The following CST8 variants were observed in gnomAD, a reference collection of about 807,000 sequenced individuals.
CST8 encodes the protein cystatin-8.
CST8 carries 20 observed loss-of-function variants against 11.8 expected under a neutral mutation model. That is an observed-to-expected ratio of 1.70 (90% CI 1.20 to 2.47). The LOEUF is 2.47. Among genes scored for constraint, CST8 ranks in the 30% most tolerant of loss-of-function variants. The probability of loss-of-function intolerance (pLI) is 0.00; values close to 1 mark genes in which losing one functional copy is unlikely to be tolerated. For missense variants in CST8, 196 were observed against 167.2 expected, an observed-to-expected ratio of 1.17 and a Z score of -0.95; for synonymous variants, 77 against 63.1, an observed-to-expected ratio of 1.22 and a Z score of -1.05.
chr20:23,495,819 C>A lies in CST8; in HGVS notation c.346-12C>A, dbSNP rs765784244. 2.8e-6 allele frequency: 4 copies of A among 1,443,698 alleles called. No individual in the cohort carries two copies. The highest frequency in any genetic ancestry group is 3.7e-6 in the Non-Finnish European group (4 of 1,076,846). The allele number at this position is 1,443,698 out of a possible 1,614,324, so 89.4% of individuals were successfully genotyped here. On this transcript the variant is annotated splice_polypyrimidine_tract_variant and intron_variant, in intron 3 of 3. Coordinates refer to ENST00000246012, the MANE Select transcript of CST8 (RefSeq NM_005492.4). ...GCACTCTACTAATTTTTGTTGTTGT[C>A]ATCTTTTTCAGAAATTAAGCTGCAG... is the stretch of plus-strand genomic sequence containing the variant.
rs778101623 is a variant in CST8, at chr20:23,493,098, C to T, written c.345+27C>T. The T allele has an allele frequency of 4.3e-4, 572 of 1,328,276 alleles. 4 individuals are homozygous for T. The highest frequency in any genetic ancestry group is 3.2e-3 in the South Asian group (276 of 85,372). The allele number at this position is 1,328,276 out of a possible 1,614,324, so 82.3% of individuals were successfully genotyped here. A position where few individuals can be genotyped will look rare whatever the true frequency, so the allele number is the denominator to read the frequency against. On this transcript the variant is annotated intron_variant, in intron 3 of 3. Coordinates refer to ENST00000246012, the MANE Select transcript of CST8 (RefSeq NM_005492.4). ...TAGGTGATGAACCACTCATCTGTGACGGCCTAGGCAGCTCTGAACCCAAGA... is the reference window on the plus strand; with the variant it reads ...TAGGTGATGAACCACTCATCTGTGATGGCCTAGGCAGCTCTGAACCCAAGA...
downstream of CST8, among the ~76,000 whole-genome samples, chr20:23,497,711 T>C (rs1600299060): frequency 6.6e-6 from 1 of 152,164 alleles, no homozygotes; most frequent in East Asian, 1.9e-4. Flanking sequence ...GCAGAGAGCT[T>C]GTGCAGGGGA....
At chr20:23,493,449 G>T (rs1415878028) in intron 3 of CST8, among the ~76,000 whole-genome samples, 2 of 152,174 alleles carry the variant, frequency 1.3e-5, no homozygotes, top group South Asian at 4.1e-4. Context: ...AGACACAAAA[G>T]GAACTTCATT....
downstream of CST8, among the ~76,000 whole-genome samples, chr20:23,497,225 A>C (rs1025629126): frequency 1.3e-5 from 2 of 152,362 alleles, no homozygotes; most frequent in South Asian, 4.1e-4. Flanking sequence ...GGAACTAATA[A>C]AAGTCCATGA....
At chr20:23,498,032 TAGAG>T (rs371962912), downstream of CST8, among the ~76,000 whole-genome samples, 1 of 150,756 alleles carries the variant, frequency 6.6e-6, no homozygotes. Flanking sequence ...TGTGTGTGTG[TAGAG>T]AGAGAGAGGG....
At chr20:23,492,029 G>A in intron 2 of CST8, 131 bp downstream of exon 2, 2 of 684,098 alleles carry the variant, frequency 2.9e-6, no homozygotes, top group East Asian at 2.7e-5. Flanking sequence ...TAAGAGCCTA[G>A]ACACTTCCAC....
At chr20:23,495,799 C>A (rs371280586) in intron 3 of CST8, 32 bp from the exon 4 acceptor site, 32 of 1,225,612 alleles carry the variant, frequency 2.6e-5, no homozygotes, top group Non-Finnish European at 3.4e-5. Context: ...TTTTGGCACT[C>A]TACTAATTTT....
chr20:23,505,503 A>G, the CST8 span, among the ~76,000 whole-genome samples: 1 of 134,730 alleles, frequency 7.4e-6, no homozygotes, highest in Non-Finnish European at 1.6e-5. Context: ...ACAACTGCTA[A>G]TTTTAGAAAG....
rs200703356 is a variant in CST8, at chr20:23,493,054, A to G, written c.328A>G (p.Asn110Asp). 3.7e-4 allele frequency: 593 copies of G among 1,608,694 alleles called. 4 individuals carry two copies. The highest frequency in any genetic ancestry group is 3.3e-3 in the Middle Eastern group (20 of 6,052). ...TAATGAAATCTGCGCCATTCAAGAA[A>G]ACTCCAAGCTGAAAAGGGTAGGTGA... ...STNEICAIQE[N>D]SKLKRKLSCS... is the part of the protein sequence containing the mutation. The change falls in exon 3 of 4, where the codon AAC becomes GAC. Residue 110 changes from asparagine to aspartate, a missense_variant. Physicochemically the swap from Asn to Asp is conservative, Grantham distance 23. Transcript: ENST00000246012.
the CST8 span, among the ~76,000 whole-genome samples, chr20:23,505,135 C>G: frequency 7.2e-6 from 1 of 139,292 alleles, no homozygotes; most frequent in African/African-American, 2.8e-5. Flanking sequence ...AGGCAAGAAG[C>G]ATTCTTTTTT....
Position 23,495,920 on chromosome 20 carries a change from T to G in CST8, c.*6T>G, listed in dbSNP as rs781316844. On this transcript the variant is annotated 3_prime_UTR_variant, in exon 4 of 4. Transcript: ENST00000246012. ...AAAAGTGTGAAGATGCTTAATGGTG[T>G]TTTGAGGCATCCCTCCAACCTCTGT... 6.2e-7 allele frequency: 1 copy of G among 1,605,374 alleles called. No homozygotes were observed. Among genetic ancestry groups the G allele is most frequent in the South Asian group, 1.1e-5 (1 of 89,456 alleles).
At position 23,495,775 on chromosome 20, in the gene CST8, CTTTTTTTTTTT is replaced by C. The variant is rs11482296; in HGVS notation, c.346-49_346-39del. ...GCAACAGGACAATTGTTTTTCTTTT[CTTTTTTTTTTT>C]TTTTTTGGCACTCTACTAATTTTTG... On this transcript the variant is annotated intron_variant, in intron 3 of 3. Coordinates refer to ENST00000246012, the MANE Select transcript of CST8 (RefSeq NM_005492.4). 3 of 934,138 alleles carry C rather than the reference CTTTTTTTTTTT, an allele frequency of 3.2e-6. No homozygotes were observed. In the African/African-American group the frequency reaches 5.8e-5, roughly 18 times the overall value. The allele number at this position is 934,138 out of a possible 1,614,324, so 57.9% of individuals were successfully genotyped here.
chr20:23,499,573 G>A (rs1332978930), downstream of CST8, among the ~76,000 whole-genome samples: 1 of 152,206 alleles, frequency 6.6e-6, no homozygotes, highest in Non-Finnish European at 1.5e-5. Context: ...CAGGAGCACT[G>A]GGAACACAGG....
downstream of CST8, among the ~76,000 whole-genome samples, chr20:23,500,558 T>C (rs1159908433): frequency 2.6e-5 from 4 of 151,972 alleles, no homozygotes; most frequent in African/African-American, 9.7e-5. Context: ...CCCATGTGCG[T>C]CCTAGGAGGG....
the CST8 span, among the ~76,000 whole-genome samples, chr20:23,502,456 T>C: frequency 6.6e-6 from 1 of 152,196 alleles, no homozygotes; most frequent in Non-Finnish European, 1.5e-5. Flanking sequence ...AAAGACGCTT[T>C]GAAGACAAAA....
At chr20:23,499,339 T>C (rs1190710452), downstream of CST8, among the ~76,000 whole-genome samples, 1 of 152,228 alleles carries the variant, frequency 6.6e-6, no homozygotes, top group Non-Finnish European at 1.5e-5. Flanking sequence ...ACAGCCAAAC[T>C]GAAATAAAAT....
rs1568654290 is a variant in CST8, at chr20:23,491,815, TG to T, written c.150del (p.Trp50CysfsTer39). The T allele has an allele frequency of 6.2e-7, 1 of 1,614,158 alleles. No individual in the cohort carries two copies. Among genetic ancestry groups the T allele is most frequent in the South Asian group, 1.1e-5 (1 of 91,076 alleles). ...ASNANVKQCLWFAMQEYNKES... is the reference protein window; with the variant it reads ...ASNANVKQCLXFAMQEYNKES... ...AAATGCCAACGTGAAGCAGTGTCTG[TG>T]GTTTGCCATGCAAGAATACAACAAA... On this transcript the variant is annotated frameshift_variant, in exon 2 of 4. Transcript: ENST00000246012. LOFTEE classifies it high-confidence loss of function.
At chr20:23,493,320 T>A (rs193017258) in intron 3 of CST8, among the ~76,000 whole-genome samples, 1 of 152,196 alleles carries the variant, frequency 6.6e-6, no homozygotes, top group African/African-American at 2.4e-5. Flanking sequence ...AAGGGCTCCA[T>A]TGACTTCTGG....
Position 23,495,909 on chromosome 20 carries a change from G to T in CST8, c.424G>T (p.Ala142Ser). Residue 142 changes from alanine (A) to serine (S), a missense_variant, in exon 4 of 4, where the codon GCT becomes TCT. Ala to Ser is a moderately conservative substitution (Grantham distance 99). Transcript: ENST00000246012. ...FTVMEKKCED[A>S] is the part of the protein sequence containing the mutation. ...TGTGATGGAGAAAAAGTGTGAAGAT[G>T]CTTAATGGTGTTTTGAGGCATCCCT... The T allele has an allele frequency of 6.2e-7, 1 of 1,609,104 alleles. No individual in the cohort carries two copies. Among genetic ancestry groups the T allele is most frequent in the Non-Finnish European group, 8.5e-7 (1 of 1,178,028 alleles).
Sources: gnomAD v4.1 joint callset for allele counts (sites outside exome capture counted in the v4.1 genomes callset) on GRCh38, gnomAD v4.1.1 for gene constraint, MANE v1.5 for transcripts, NCBI Gene and HGNC (gene_info 2026-07-23, HGNC 2026-07-21) for gene names.